The following PDE10A variants were observed in gnomAD, a reference collection of about 807,000 sequenced individuals.
PDE10A encodes the protein phosphodiesterase 10A.
In PDE10A, 39 loss-of-function variants were observed where a neutral mutation model predicts 97.7. The ratio of observed to expected loss-of-function variants is 0.40; its 90% CI spans 0.31 to 0.52. PDE10A has a LOEUF of 0.52. Among genes scored for constraint, PDE10A ranks in the 20% least tolerant of loss-of-function variants. PDE10A has a pLI of 0.56. For synonymous variants in PDE10A, 371 were observed against 376.8 expected (o/e 0.98, Z 0.18); for missense variants, 731 against 1,047.8 (o/e 0.70, Z 4.17).
intron 13 of PDE10A, 141 bp from the exon 14 acceptor site, chr6:165,396,600 T>C (rs569392880): frequency 5.2e-6 from 4 of 770,474 alleles, no homozygotes; most frequent in Admixed American, 3.0e-5. Context: ...CGTATTTCCA[T>C]ATGCACTGGG....
intron 1 of PDE10A, among the ~76,000 whole-genome samples, chr6:165,675,938 A>T (rs1790782172): frequency 6.6e-6 from 1 of 152,218 alleles, no homozygotes; most frequent in African/African-American, 2.4e-5. Context: ...CTAAACTTGT[A>T]TGTTTATTGC....
At chr6:165,699,873 T>G (rs1791526811) in intron 1 of PDE10A, among the ~76,000 whole-genome samples, 1 of 152,014 alleles carries the variant, frequency 6.6e-6, no homozygotes, top group Non-Finnish European at 1.5e-5. Context: ...CTTATATTAG[T>G]AAAGAAGAAA....
At chr6:165,962,331 T>G (rs1035665440) in intron 1 of PDE10A, among the ~76,000 whole-genome samples, 12 of 152,218 alleles carry the variant, frequency 7.9e-5, no homozygotes, top group Admixed American at 7.9e-4. Flanking sequence ...GGAATGAGGA[T>G]GGACCCAAAG....
chr6:165,543,664 A>G, intron 1 of PDE10A, 96 bp from the exon 2 acceptor site: 2 of 896,378 alleles, frequency 2.2e-6, no homozygotes, highest in South Asian at 1.9e-5. Flanking sequence ...AGACCCAGCA[A>G]CCTCTCATCT....
chr6:165,792,446 G>A (rs929065964), intron 1 of PDE10A, among the ~76,000 whole-genome samples: 1 of 152,160 alleles, frequency 6.6e-6, no homozygotes, highest in African/African-American at 2.4e-5. Context: ...TAGTCACCTC[G>A]GGTCTCACCG....
chr6:165,927,088 G>A (rs994389315), intron 1 of PDE10A, among the ~76,000 whole-genome samples: 23 of 133,264 alleles, frequency 1.7e-4, no homozygotes, highest in African/African-American at 5.8e-4. Context: ...GGGGTGGGGG[G>A]CTAGGGGAGG....
intron 1 of PDE10A, among the ~76,000 whole-genome samples, chr6:165,631,675 T>A (rs1025991671): frequency 5.9e-5 from 9 of 152,190 alleles, no homozygotes; most frequent in Non-Finnish European, 7.4e-5. Context: ...ATAACATCAT[T>A]ATACGAATAA....
At chr6:165,604,676 C>A (rs770476886) in intron 1 of PDE10A, among the ~76,000 whole-genome samples, 5 of 152,182 alleles carry the variant, frequency 3.3e-5, no homozygotes, top group African/African-American at 4.8e-5. Flanking sequence ...TACACTAAGG[C>A]GTAAAGCAGA....
At chr6:165,802,909 G>A (rs762877716) in intron 1 of PDE10A, among the ~76,000 whole-genome samples, 4 of 152,154 alleles carry the variant, frequency 2.6e-5, no homozygotes, top group Admixed American at 6.5e-5. Context: ...TAGTGATCAC[G>A]TACCACATAC....
At chr6:165,855,006 AATGAATGAATGAATGAATGAATGAATGC>A (rs1340059067) in intron 1 of PDE10A, among the ~76,000 whole-genome samples, 1 of 92,394 alleles carries the variant, frequency 1.1e-5, no homozygotes, top group Non-Finnish European at 2.8e-5. Flanking sequence ...TGAATGAATG[AATGAATGAATGAATGAATGAATGAATGC>A]ATGAATGAAT....
chr6:165,809,263 T>A (rs1481026429), intron 1 of PDE10A, among the ~76,000 whole-genome samples: 1 of 152,208 alleles, frequency 6.6e-6, no homozygotes, highest in Non-Finnish European at 1.5e-5. Flanking sequence ...GGTGCAGCCC[T>A]GGCTGCCCTG....
intron 1 of PDE10A, among the ~76,000 whole-genome samples, chr6:165,966,416 C>G (rs1397107414): frequency 6.6e-6 from 1 of 152,216 alleles, no homozygotes; most frequent in Non-Finnish European, 1.5e-5. Context: ...CTCGCTGTAG[C>G]CTACTGCATG....
chr6:165,926,738 A>C (rs59719123), intron 1 of PDE10A, among the ~76,000 whole-genome samples: 86 of 152,204 alleles, frequency 5.7e-4, no homozygotes, highest in African/African-American at 2.0e-3. Flanking sequence ...GGGCTCCACT[A>C]TCCTTGGATG....
intron 1 of PDE10A, among the ~76,000 whole-genome samples, chr6:165,841,144 C>T (rs957115134): frequency 6.6e-6 from 1 of 152,218 alleles, no homozygotes; most frequent in Non-Finnish European, 1.5e-5. Context: ...TTACTTTTGA[C>T]TTTCAATCTA....
At chr6:165,511,310 A>C (rs552665746) in intron 2 of PDE10A, among the ~76,000 whole-genome samples, 1 of 151,974 alleles carries the variant, frequency 6.6e-6, no homozygotes, top group Middle Eastern at 3.4e-3. Flanking sequence ...ATCTTGTTTA[A>C]TTTCCATGCA....
At chr6:165,479,811 CAA>C (rs1371586010) in intron 3 of PDE10A, among the ~76,000 whole-genome samples, 10 of 151,546 alleles carry the variant, frequency 6.6e-5, no homozygotes, top group Admixed American at 6.6e-4. Flanking sequence ...GACAGGGAAA[CAA>C]AGAGAGGAAA....
At chr6:165,568,326 T>C (rs1784893448) in intron 1 of PDE10A, among the ~76,000 whole-genome samples, 1 of 152,130 alleles carries the variant, frequency 6.6e-6, no homozygotes, top group South Asian at 2.1e-4. Context: ...CTAAGTATAG[T>C]ATACCCACCC....
chr6:165,902,004 A>G (rs1177107519), intron 1 of PDE10A, among the ~76,000 whole-genome samples: 3 of 152,182 alleles, frequency 2.0e-5, no homozygotes, highest in African/African-American at 7.2e-5. Context: ...GTCCATTATT[A>G]ACTACTGATC....
At chr6:165,775,226 A>G (rs1431042736) in intron 1 of PDE10A, 1 of 152,242 alleles carries the variant, frequency 6.6e-6, no homozygotes, top group Non-Finnish European at 1.5e-5. Flanking sequence ...ACCTCTGGAA[A>G]ACATTTCAGA....
Sources: allele counts gnomAD v4.1 joint callset (sites outside exome capture counted in the v4.1 genomes callset), GRCh38; gene constraint gnomAD v4.1.1; transcripts MANE v1.5; gene names NCBI Gene and HGNC (gene_info 2026-07-23, HGNC 2026-07-21).